DOCK4: variants seen among roughly 807,000 people sequenced by gnomAD.
The protein encoded by DOCK4 is dedicator of cytokinesis 4, also known as dedicator of cytokinesis protein 4.
In DOCK4, 97 loss-of-function variants were observed where a neutral mutation model predicts 268.1. The observed-to-expected ratio is 0.36, with a 90% CI of 0.31 to 0.43. DOCK4 has a LOEUF of 0.43. Among genes scored for constraint, DOCK4 ranks in the 20% least tolerant of loss-of-function variants. The pLI is 1.00. For missense variants in DOCK4, 2,145 were observed against 2,455.7 expected, an observed-to-expected ratio of 0.87 and a Z score of 2.67; for synonymous variants, 954 against 887.2, an observed-to-expected ratio of 1.08 and a Z score of -1.34.
At chr7:111,979,256 C>G (rs1586559632) in intron 7 of DOCK4, among the ~76,000 whole-genome samples, 1 of 152,118 alleles carries the variant, frequency 6.6e-6, no homozygotes, top group African/African-American at 2.4e-5. Context: ...AAAAATTTAG[C>G]TAAATTCATC....
intron 1 of DOCK4, among the ~76,000 whole-genome samples, chr7:112,176,289 C>G (rs568696892): frequency 6.6e-6 from 1 of 152,074 alleles, no homozygotes; most frequent in African/African-American, 2.4e-5. Context: ...AAACAGAATT[C>G]CTTAAATCCA....
intron 7 of DOCK4, among the ~76,000 whole-genome samples, chr7:111,979,702 G>A (rs546625979): frequency 3.4e-4 from 52 of 152,170 alleles, no homozygotes; most frequent in Non-Finnish European, 5.0e-4. Flanking sequence ...AGAAATAGAT[G>A]TAAAAACCTC....
chr7:112,029,170 A>G (rs1391608238), intron 1 of DOCK4, among the ~76,000 whole-genome samples: 4 of 152,100 alleles, frequency 2.6e-5, no homozygotes, highest in Non-Finnish European at 5.9e-5. Context: ...CGTCCACTGG[A>G]TCCAACACAT....
At chr7:112,011,950 A>G (rs1193379690) in intron 1 of DOCK4, among the ~76,000 whole-genome samples, 1 of 151,066 alleles carries the variant, frequency 6.6e-6, no homozygotes, top group Non-Finnish European at 1.5e-5. Flanking sequence ...TGTGAATTAG[A>G]TGGAGGCTTG....
At chr7:112,058,717 C>G (rs1447281214) in intron 1 of DOCK4, among the ~76,000 whole-genome samples, 1 of 152,050 alleles carries the variant, frequency 6.6e-6, no homozygotes, top group African/African-American at 2.4e-5. Context: ...ATGAAGTCAG[C>G]TAGACAGAAG....
At chr7:111,867,934 A>G (rs1177360183) in intron 22 of DOCK4, 50 bp downstream of exon 22, 3 of 1,438,524 alleles carry the variant, frequency 2.1e-6, no homozygotes, top group Non-Finnish European at 2.8e-6. Context: ...AAAAATAAAT[A>G]AACTGCACTT....
intron 1 of DOCK4, among the ~76,000 whole-genome samples, chr7:112,113,970 T>C (rs1356027857): frequency 1.3e-5 from 2 of 152,062 alleles, no homozygotes; most frequent in Non-Finnish European, 2.9e-5. Context: ...CATTTTTCTT[T>C]ACCCCTAGCC....
chr7:111,852,875 T>G (rs1586175995), intron 23 of DOCK4, among the ~76,000 whole-genome samples: 1 of 152,156 alleles, frequency 6.6e-6, no homozygotes, highest in South Asian at 2.1e-4. Context: ...GCCCATCAAA[T>G]AAGACCCCCC....
In DOCK4 at chr7:112,084,238, T is replaced by C. The variant is rs375427109; in HGVS notation, c.38-80107A>G. ...TAGTTTAAGCCACTGAGTTGTGGAA[T>C]TGATTTTTATGGAGCAACAGCTGAC... On this transcript the variant is annotated intron_variant, in intron 1 of 52. Transcript: ENST00000428084. Among the ~76,000 whole-genome samples, 17 of 152,212 alleles carry C rather than the reference T, an allele frequency of 1.1e-4. 1 individual carries two copies. Among genetic ancestry groups the C allele is most frequent in the African/African-American group, 3.9e-4 (16 of 41,468 alleles).
chr7:111,789,514 T>G (rs1325897680), intron 31 of DOCK4, among the ~76,000 whole-genome samples: 1 of 152,206 alleles, frequency 6.6e-6, no homozygotes, highest in East Asian at 1.9e-4. Context: ...TAAGCCCAAT[T>G]ATTATTCCTT....
intron 49 of DOCK4, among the ~76,000 whole-genome samples, chr7:111,737,423 C>G (rs539678248): frequency 1.3e-5 from 2 of 152,118 alleles, no homozygotes; most frequent in Non-Finnish European, 2.9e-5. Flanking sequence ...GCCACCACAC[C>G]TGGCCTGTGT....
chr7:111,858,054 T>C (rs988770137), intron 23 of DOCK4, among the ~76,000 whole-genome samples: 4 of 152,166 alleles, frequency 2.6e-5, no homozygotes, highest in Non-Finnish European at 5.9e-5. Flanking sequence ...AATTTGACCT[T>C]GGGGGTGTGA....
rs747380140 is a variant in DOCK4, at chr7:111,901,706, T to C, written c.1288A>G (p.Ile430Val). The C allele has an allele frequency of 3.1e-6, 5 of 1,613,606 alleles. No individual in the cohort carries two copies. Among genetic ancestry groups the C allele is most frequent in the Non-Finnish European group, 4.2e-6 (5 of 1,179,802 alleles). The change falls in exon 14 of 53, where the codon ATT becomes GTT. Residue 430 changes from isoleucine to valine, a missense_variant. By Grantham distance (29) the Ile-to-Val change is conservative (BLOSUM62 3). Around this residue, in one of 2 missense-constraint regions of DOCK4, gnomAD observed 1,598 missense variants for 1,986.7 expected, o/e 0.80. Coordinates refer to ENST00000428084, the MANE Select transcript of DOCK4 (RefSeq NM_001363540.2). ...VARNVEVTMF[I>V]VDSSGQTLKD... ...AGGGTTTGGCCACTACTGTCTACAA[T>C]GAACATCGTAACTTCCACATTTCTG...
intron 30 of DOCK4, among the ~76,000 whole-genome samples, chr7:111,801,402 C>T (rs1017422875): frequency 2.6e-5 from 4 of 152,160 alleles, no homozygotes; most frequent in East Asian, 3.9e-4. Context: ...TTAAACTTTT[C>T]GCTCCTTAAA....
At chr7:111,806,512 C>A (rs549469055) in intron 30 of DOCK4, among the ~76,000 whole-genome samples, 2 of 152,268 alleles carry the variant, frequency 1.3e-5, no homozygotes, top group Middle Eastern at 3.4e-3. Context: ...TTTACGCTGA[C>A]CCTACGCTTG....
chr7:112,065,399 C>T (rs1806828652), intron 1 of DOCK4, among the ~76,000 whole-genome samples: 1 of 152,012 alleles, frequency 6.6e-6, no homozygotes, highest in Non-Finnish European at 1.5e-5. Context: ...GAAAGTTATT[C>T]TCCCTCAGTG....
intron 1 of DOCK4, among the ~76,000 whole-genome samples, chr7:112,115,550 C>T (rs1310375874): frequency 6.6e-6 from 1 of 152,150 alleles, no homozygotes; most frequent in Non-Finnish European, 1.5e-5. Context: ...TTGCCTCACT[C>T]CTCACTGTAT....
At chr7:111,752,410 T>TG (rs548105076) in intron 42 of DOCK4, among the ~76,000 whole-genome samples, 122 of 151,254 alleles carry the variant, frequency 8.1e-4, no homozygotes, top group Non-Finnish European at 1.4e-3. Flanking sequence ...CGCTGAGGAG[T>TG]GGTTAGATTC....
At chr7:112,093,431 G>A (rs1809819275) in intron 1 of DOCK4, among the ~76,000 whole-genome samples, 1 of 151,682 alleles carries the variant, frequency 6.6e-6, no homozygotes, top group Non-Finnish European at 1.5e-5. Flanking sequence ...GACATTTAAA[G>A]TCATCATACA....
Sources: allele counts gnomAD v4.1 joint callset (sites outside exome capture counted in the v4.1 genomes callset), GRCh38; gene constraint gnomAD v4.1.1; regional missense constraint gnomAD v4.1.1; transcripts MANE v1.5; gene names NCBI Gene and HGNC (gene_info 2026-07-23, HGNC 2026-07-21).